Variants in ACER1 observed in about 807,000 individuals in gnomAD.
ACER1 encodes the protein CTB-180A7.3.
Under a neutral mutation model 24.9 loss-of-function variants are expected in ACER1, and 28 were observed. The ratio of observed to expected loss-of-function variants is 1.13; its 90% CI spans 0.83 to 1.54. The LOEUF is 1.54. ACER1 is among the 40% of genes most tolerant of loss of function. The probability of loss-of-function intolerance (pLI) is 0.00; values close to 1 mark genes in which losing one functional copy is unlikely to be tolerated. For synonymous variants in ACER1, 132 were observed against 131.4 expected, an observed-to-expected ratio of 1.00 and a Z score of -0.03; for missense variants, 352 against 349.3, an observed-to-expected ratio of 1.01 and a Z score of -0.06.
chr19:6,312,365 C>T lies in ACER1; in HGVS notation c.208+20G>A, dbSNP rs747115699. On this transcript the variant is annotated intron_variant, in intron 2 of 5. Coordinates refer to ENST00000301452, the MANE Select transcript of ACER1 (RefSeq NM_133492.3). ...CCCACTGCCTCCCGACTGTCACAGA[C>T]CTGAACCACACCTCCCTACCTATGA... 2 of 1,613,982 alleles carry T rather than the reference C, an allele frequency of 1.2e-6. No homozygotes were observed. The highest frequency in any genetic ancestry group is 4.5e-5 in the East Asian group (2 of 44,868).
chr19:6,357,790 G>C, the ACER1 span, among the ~76,000 whole-genome samples: 2 of 151,952 alleles, frequency 1.3e-5, no homozygotes, highest in African/African-American at 4.8e-5. Context: ...AGCTTTTTTG[G>C]GGATCTCTTA....
chr19:6,313,551 A>G (rs539033999), intron 1 of ACER1, among the ~76,000 whole-genome samples: 2 of 152,188 alleles, frequency 1.3e-5, no homozygotes, highest in East Asian at 1.9e-4. Context: ...GGCCAATGAG[A>G]TAAGAATGTA....
At chr19:6,349,952 A>G in the ACER1 span, among the ~76,000 whole-genome samples, 1 of 152,100 alleles carries the variant, frequency 6.6e-6, no homozygotes, top group African/African-American at 2.4e-5. Flanking sequence ...GCAACATAGC[A>G]AGACCTCGTC....
intron 1 of ACER1, among the ~76,000 whole-genome samples, chr19:6,312,728 C>T (rs1030988013): frequency 8.7e-5 from 13 of 148,802 alleles, no homozygotes; most frequent in African/African-American, 1.7e-4. Context: ...CAGGCTGGAG[C>T]GCAGTGGTGC....
At chr19:6,354,950 G>A in the ACER1 span, among the ~76,000 whole-genome samples, 1 of 152,154 alleles carries the variant, frequency 6.6e-6, no homozygotes. Flanking sequence ...AGCCTGCCGA[G>A]TGCCTGTGAT....
In ACER1 at chr19:6,326,178, T is replaced by G. The variant is rs2091660906; in HGVS notation, c.93+7281A>C. Among the ~76,000 whole-genome samples, 2 of 144,548 alleles carry G rather than the reference T, an allele frequency of 1.4e-5. 1 individual carries two copies. Among genetic ancestry groups the G allele is most frequent in the South Asian group, 4.4e-4 (2 of 4,582 alleles). The allele number at this position is 144,548 out of a possible 152,430, so 94.8% of individuals were successfully genotyped here. On this transcript the variant is annotated intron_variant, in intron 1 of 5. Coordinates refer to ENST00000301452, the MANE Select transcript of ACER1 (RefSeq NM_133492.3). Reference sequence around the variant, plus strand: ...TCTCGCTCTGTAGCCCAGGCTGGAGTGCAGTGGCACCATCTCGGCTCACTG... The same window carrying G: ...TCTCGCTCTGTAGCCCAGGCTGGAGGGCAGTGGCACCATCTCGGCTCACTG...
chr19:6,350,755 T>C, the ACER1 span, among the ~76,000 whole-genome samples: 696 of 152,256 alleles, frequency 4.6e-3, 5 homozygotes, highest in African/African-American at 0.016. Flanking sequence ...TCTGTTTTCT[T>C]TGCATTTGTT....
At chr19:6,356,474 AAT>A in the ACER1 span, among the ~76,000 whole-genome samples, 17 of 150,058 alleles carry the variant, frequency 1.1e-4, 2 homozygotes, top group African/African-American at 1.7e-4. Flanking sequence ...TCAATAAAAA[AAT>A]AAATAAAATA....
intron 1 of ACER1, among the ~76,000 whole-genome samples, chr19:6,323,423 AAAAAAAAG>A (rs563210001): frequency 0.012 from 1,858 of 151,414 alleles, 38 homozygotes; most frequent in African/African-American, 0.042. Context: ...CGTCTCAAAA[AAAAAAAAG>A]AAAAAAAGAA....
the ACER1 span, among the ~76,000 whole-genome samples, chr19:6,355,681 C>G: frequency 7.1e-6 from 1 of 141,200 alleles, no homozygotes. Context: ...GGCGCCTCTG[C>G]CCGGCCACCC....
At chr19:6,341,803 T>G in the ACER1 span, among the ~76,000 whole-genome samples, 1 of 152,100 alleles carries the variant, frequency 6.6e-6, no homozygotes, top group Non-Finnish European at 1.5e-5. Context: ...TAATTTTTTT[T>G]ATTTTTAGTA....
At position 6,312,387 on chromosome 19, in the gene ACER1, A is replaced by G; in HGVS notation, c.206T>C (p.Ile69Thr). The G allele has an allele frequency of 6.2e-7, 1 of 1,613,812 alleles. No homozygotes were observed. ...IYVVWVLFMI[I>T]GLFSMYFHMT... ...AGACCTGAACCACACCTCCCTACCT[A>G]TGATCATGAAGAGGACCCAGACAAC... The change falls in exon 2 of 6, where the codon ATA becomes ACA. Residue 69 changes from isoleucine (I) to threonine (T), a missense_variant and splice_region_variant. Physicochemically the swap from Ile to Thr is moderately conservative, Grantham distance 89. Transcript: ENST00000301452.
the ACER1 span, among the ~76,000 whole-genome samples, chr19:6,338,964 G>A: frequency 1.3e-5 from 2 of 150,880 alleles, no homozygotes; most frequent in South Asian, 2.1e-4. Flanking sequence ...TGCAACCTCC[G>A]CCTCCTGGGT....
In ACER1 at chr19:6,306,736, C is replaced by A. The variant is rs144461069; in HGVS notation, c.773G>T (p.Arg258Leu). 1.2e-6 allele frequency: 2 copies of A among 1,611,962 alleles called. No individual in the cohort carries two copies. The highest frequency in any genetic ancestry group is 2.2e-5 in the East Asian group (1 of 44,868). ...GTCTCAGCAGTCCTTGTCATCACCC[C>A]GGATTTCCACGTAGGGCAGCCCCAC... ...WPVGLPYVEI[R>L]GDDKDC Residue 258 changes from arginine to leucine, a missense_variant, in exon 6 of 6, where the codon CGG (arginine) becomes CTG (leucine). Transcript: ENST00000301452.
intron 1 of ACER1, among the ~76,000 whole-genome samples, chr19:6,332,209 C>T (rs2091690906): frequency 6.6e-6 from 1 of 150,842 alleles, no homozygotes; most frequent in Non-Finnish European, 1.5e-5. Flanking sequence ...TCAGGTGATC[C>T]ACTCACCTTG....
At chr19:6,337,924 A>T, upstream of ACER1, among the ~76,000 whole-genome samples, 1 of 149,178 alleles carries the variant, frequency 6.7e-6, no homozygotes. Context: ...TGATCCACCC[A>T]CCTCGGCCTC....
At chr19:6,335,665 C>T (rs2091711277), upstream of ACER1, among the ~76,000 whole-genome samples, 1 of 151,666 alleles carries the variant, frequency 6.6e-6, no homozygotes, top group Admixed American at 6.6e-5. Flanking sequence ...CCCATTTCTA[C>T]TAAAAATACA....
upstream of ACER1, among the ~76,000 whole-genome samples, chr19:6,335,560 G>A (rs2091710792): frequency 1.3e-5 from 2 of 152,030 alleles, no homozygotes; most frequent in Non-Finnish European, 2.9e-5. Context: ...CCCGGGTGCT[G>A]TGGCTCACGC....
chr19:6,312,596 C>T, intron 1 of ACER1, 97 bp from the exon 2 acceptor site: 2 of 916,004 alleles, frequency 2.2e-6, no homozygotes, highest in East Asian at 5.0e-5. Flanking sequence ...CAGTCGGTTA[C>T]CTGCTGCATT....
Sources: gnomAD v4.1 joint callset for allele counts (sites outside exome capture counted in the v4.1 genomes callset) on GRCh38, gnomAD v4.1.1 for gene constraint, MANE v1.5 for transcripts, NCBI Gene and HGNC (gene_info 2026-07-23, HGNC 2026-07-21) for gene names.